The following FCHSD2 variants were observed in gnomAD, a reference collection of about 807,000 sequenced individuals.
The protein encoded by FCHSD2 is FCH and double SH3 domains 2.
FCHSD2 carries 38 observed loss-of-function variants against 108.1 expected under a neutral mutation model. That is an observed-to-expected ratio of 0.35 (90% CI 0.27 to 0.46). The LOEUF (loss-of-function observed/expected upper bound fraction) is 0.46, where lower values mean the gene tolerates loss of function less well. Ranked by LOEUF, FCHSD2 falls within the 20% of genes least tolerant of loss-of-function variation. The probability of loss-of-function intolerance (pLI) is 1.00; values close to 1 mark genes in which losing one functional copy is unlikely to be tolerated. For synonymous variants in FCHSD2, 279 were observed against 314.7 expected (o/e 0.89, Z 1.20); for missense variants, 751 against 897.8 (o/e 0.84, Z 2.09).
At chr11:73,089,652 A>G (rs1406873944) in intron 2 of FCHSD2, among the ~76,000 whole-genome samples, 3 of 152,232 alleles carry the variant, frequency 2.0e-5, no homozygotes, top group Non-Finnish European at 4.4e-5. Flanking sequence ...GAACCTCAAT[A>G]ACATTACGCT....
chr11:72,883,157 C>T (rs1213439024), intron 12 of FCHSD2, among the ~76,000 whole-genome samples: 1 of 152,146 alleles, frequency 6.6e-6, no homozygotes, highest in East Asian at 1.9e-4. Context: ...TTAACTCATA[C>T]CAGACCTCAA....
At chr11:73,023,122 T>G (rs1858146537) in intron 3 of FCHSD2, among the ~76,000 whole-genome samples, 1 of 152,056 alleles carries the variant, frequency 6.6e-6, no homozygotes, top group South Asian at 2.1e-4. Context: ...GAAGAAAATC[T>G]CCTTGACCTT....
At chr11:73,115,519 G>A (rs780945889) in intron 2 of FCHSD2, among the ~76,000 whole-genome samples, 6 of 152,190 alleles carry the variant, frequency 3.9e-5, no homozygotes, top group Admixed American at 6.5e-5. Flanking sequence ...CTTTCGTGTC[G>A]TTTTCATGTC....
chr11:72,977,923 T>A (rs1257783286), intron 8 of FCHSD2, among the ~76,000 whole-genome samples: 3 of 152,184 alleles, frequency 2.0e-5, no homozygotes, highest in Non-Finnish European at 4.4e-5. Flanking sequence ...CAAATGCCCA[T>A]CAATGATAGA....
chr11:72,980,671 G>A (rs935610341), intron 8 of FCHSD2, among the ~76,000 whole-genome samples: 2 of 94,434 alleles, frequency 2.1e-5, no homozygotes, highest in Non-Finnish European at 4.6e-5. Context: ...GTATGTGTGT[G>A]TGTGTATATA....
chr11:73,107,715 C>G (rs2135540755), intron 2 of FCHSD2, among the ~76,000 whole-genome samples: 1 of 152,290 alleles, frequency 6.6e-6, no homozygotes, highest in Middle Eastern at 3.4e-3. Context: ...TTTTCTGTGT[C>G]TGGCTTATTA....
chr11:73,024,218 A>C (rs763016341), intron 3 of FCHSD2, among the ~76,000 whole-genome samples: 1 of 152,150 alleles, frequency 6.6e-6, no homozygotes, highest in Non-Finnish European at 1.5e-5. Flanking sequence ...AGACTGTGAC[A>C]AATCCAATTG....
At chr11:72,921,388 T>A (rs543239742) in intron 9 of FCHSD2, among the ~76,000 whole-genome samples, 1 of 152,222 alleles carries the variant, frequency 6.6e-6, no homozygotes, top group Non-Finnish European at 1.5e-5. Context: ...ATATAGATAG[T>A]AGGGCTTAAT....
chr11:72,952,324 ACTAT>A (rs1278056215), intron 8 of FCHSD2, among the ~76,000 whole-genome samples: 2 of 150,854 alleles, frequency 1.3e-5, no homozygotes, highest in Admixed American at 1.3e-4. Flanking sequence ...ACCAAGTTTG[ACTAT>A]CTTTTTTTTT....
Position 72,838,776 on chromosome 11 carries a change from T to A in FCHSD2, c.*15A>T, listed in dbSNP as rs770515748. 6.3e-7 allele frequency: 1 copy of A among 1,587,922 alleles called. No individual in the cohort carries two copies. The highest frequency in any genetic ancestry group is 8.6e-7 in the Non-Finnish European group (1 of 1,167,348). ...TGGCCTTGATTGTAGCAGTAATGGATGGGCAAGCCCATCATCACACCAGTG... is the reference window on the plus strand; with the variant it reads ...TGGCCTTGATTGTAGCAGTAATGGAAGGGCAAGCCCATCATCACACCAGTG... On this transcript the variant is annotated 3_prime_UTR_variant, in exon 20 of 20. Transcript: ENST00000409418.
At chr11:72,974,592 C>A (rs1177750463) in intron 8 of FCHSD2, among the ~76,000 whole-genome samples, 1 of 152,184 alleles carries the variant, frequency 6.6e-6, no homozygotes, top group Admixed American at 6.5e-5. Context: ...AGACACTAGT[C>A]ACATGTGGCC....
At chr11:73,114,484 C>T (rs1305675999) in intron 2 of FCHSD2, among the ~76,000 whole-genome samples, 1 of 152,084 alleles carries the variant, frequency 6.6e-6, no homozygotes, top group Non-Finnish European at 1.5e-5. Flanking sequence ...TTTTCCCTCC[C>T]CTTTTCTCAA....
intron 13 of FCHSD2, among the ~76,000 whole-genome samples, chr11:72,858,402 TG>T (rs1300769580): frequency 6.6e-6 from 1 of 152,108 alleles, no homozygotes; most frequent in African/African-American, 2.4e-5. Flanking sequence ...ATAAAGAAAA[TG>T]TGGTACATAT....
chr11:72,903,184 AATTTATTTATTTATTTATTTATAT>A (rs1195833655), intron 9 of FCHSD2, among the ~76,000 whole-genome samples: 36 of 124,802 alleles, frequency 2.9e-4, no homozygotes, highest in Non-Finnish European at 4.6e-4. Flanking sequence ...GCTAGAAAGG[AATTTATTTATTTATTTATTTATAT>A]ATTTATTTAT....
At chr11:73,069,635 T>G (rs1325672054) in intron 3 of FCHSD2, among the ~76,000 whole-genome samples, 1 of 151,782 alleles carries the variant, frequency 6.6e-6, no homozygotes, top group Non-Finnish European at 1.5e-5. Flanking sequence ...TAAAAATATG[T>G]GAAAAAACCA....
rs543798939 is a variant in FCHSD2 at position 72,910,065 on chromosome 11, C to T, written c.829-7427G>A. 4.3e-3 allele frequency among the ~76,000 whole-genome samples: 629 copies of T among 144,650 alleles called. 4 individuals carry two copies. Among genetic ancestry groups the T allele is most frequent in the African/African-American group, 0.016 (611 of 38,804 alleles). 94.9% of individuals were successfully genotyped at this position (144,650 alleles called of 152,430 possible). A position where few individuals can be genotyped will look rare whatever the true frequency, so the allele number is the denominator to read the frequency against. ...CTGGGAAGTGAGGAGCACCTCTGCC[C>T]GGCCGCCCCATCTGGGAGGTGAGGA... On this transcript the variant is annotated intron_variant, in intron 9 of 19. Transcript: ENST00000409418.
At chr11:72,967,116 C>T (rs1170588983) in intron 8 of FCHSD2, among the ~76,000 whole-genome samples, 2 of 151,186 alleles carry the variant, frequency 1.3e-5, no homozygotes, top group Non-Finnish European at 2.9e-5. Flanking sequence ...AGGAGAATGG[C>T]GTGAACCCGG....
At chr11:72,843,401 ACTC>A in intron 15 of FCHSD2, 45 bp downstream of exon 15, 2 of 1,607,836 alleles carry the variant, frequency 1.2e-6, no homozygotes, top group East Asian at 4.5e-5. Context: ...ACCAAAACAA[ACTC>A]CTAAAAATGT....
chr11:73,066,173 G>A (rs1859287706), intron 3 of FCHSD2, among the ~76,000 whole-genome samples: 2 of 152,178 alleles, frequency 1.3e-5, no homozygotes, highest in South Asian at 4.1e-4. Flanking sequence ...GAACAGAACA[G>A]AAGCCTCAGA....
Sources: allele counts gnomAD v4.1 joint callset (sites outside exome capture counted in the v4.1 genomes callset), GRCh38; gene constraint gnomAD v4.1.1; transcripts MANE v1.5; gene names NCBI Gene and HGNC (gene_info 2026-07-23, HGNC 2026-07-21).